RBM12: variants seen among roughly 807,000 people sequenced by gnomAD.
The protein encoded by RBM12 is RNA binding motif protein 12.
In RBM12, 24 loss-of-function variants were observed where a neutral mutation model predicts 37.2. The ratio of observed to expected loss-of-function variants is 0.65; its 90% CI spans 0.47 to 0.91. The LOEUF (loss-of-function observed/expected upper bound fraction) is 0.91. Among genes scored for constraint, RBM12 ranks in the 40% least tolerant of loss-of-function variants. RBM12 has a pLI of 0.00. For synonymous variants in RBM12, 420 were observed against 425.2 expected, an observed-to-expected ratio of 0.99 and a Z score of 0.15; for missense variants, 1,061 against 1,183.2, an observed-to-expected ratio of 0.90 and a Z score of 1.52.
chr20:35,661,089 T>C (rs1043305834), intron 1 of RBM12, among the ~76,000 whole-genome samples: 2 of 152,324 alleles, frequency 1.3e-5, no homozygotes, highest in South Asian at 4.1e-4. Context: ...TATGATTCTC[T>C]TCTATTTCAG....
At chr20:35,660,298 G>A (rs1052845660) in intron 1 of RBM12, among the ~76,000 whole-genome samples, 2 of 152,020 alleles carry the variant, frequency 1.3e-5, no homozygotes, top group Admixed American at 6.6e-5. Context: ...TGCAACCTCC[G>A]CCTCCCTGGG....
chr20:35,663,259 T>C (rs952483423), intron 1 of RBM12, among the ~76,000 whole-genome samples: 1 of 152,192 alleles, frequency 6.6e-6, no homozygotes, highest in African/African-American at 2.4e-5. Flanking sequence ...GTTCTATAAT[T>C]TAAAAAACAA....
chr20:35,653,216 C>T lies in RBM12; in HGVS notation c.2107G>A (p.Glu703Lys). The change falls in exon 3 of 3, where the codon GAA (glutamate) becomes AAA (lysine). Residue 703 changes from glutamate (E) to lysine (K), a missense_variant. Physicochemically the swap from Glu to Lys is moderately conservative, Grantham distance 56. This residue lies in a region of RBM12 where 517 missense variants were observed against 534.0 expected (regional missense o/e 0.97). Coordinates refer to ENST00000374114, the MANE Select transcript of RBM12 (RefSeq NM_006047.6). ...CCTACAGTCAGGAAGGCATGCTCTT[C>T]ACCTCCTGCACTAGGTATTCCTGCA... ...PSAGIPSAGG[E>K]EHAFLTVGSK... 1 of 1,613,528 alleles carries T rather than the reference C, an allele frequency of 6.2e-7. No individual in the cohort carries two copies. The highest frequency in any genetic ancestry group is 8.5e-7 in the Non-Finnish European group (1 of 1,179,954).
rs749842021 is a variant in RBM12 at position 35,652,952 on chromosome 20, T to C, written c.2371A>G (p.Asn791Asp). 6.6e-5 allele frequency: 106 copies of C among 1,613,728 alleles called. No homozygotes were observed. The East Asian group carries it at 2.4e-3, about 36-fold the overall frequency. ...GPSGFGGGPQ[N>D]FGNGPGSLGG... ...AAGCTACCAGGGCCATTTCCAAAAT[T>C]CTGAGGGCCCCCTCCAAATCCCGAT... Residue 791 changes from asparagine to aspartate, a missense_variant, in exon 3 of 3, where the codon AAT (asparagine) becomes GAT (aspartate). Transcript: ENST00000374114.
chr20:35,663,398 T>TA (rs981772270), intron 1 of RBM12, among the ~76,000 whole-genome samples: 1 of 152,178 alleles, frequency 6.6e-6, no homozygotes, highest in Non-Finnish European at 1.5e-5. Flanking sequence ...TTGCAAAAAT[T>TA]ACACCATTTC....
chr20:35,653,862 A>G lies in RBM12; in HGVS notation c.1461T>C (p.Ala487=). The G allele has an allele frequency of 6.2e-7, 1 of 1,614,064 alleles. No individual in the cohort carries two copies. Among genetic ancestry groups the G allele is most frequent in the South Asian group, 1.1e-5 (1 of 91,088 alleles). ...CCATGTACTGTTTATGACGACACAG[A>G]GCAGCCTTATAGTCAGCCTCATTTC... ...EFRNEADYKA[A]LCRHKQYMGN... The change falls in exon 3 of 3, where the codon GCT becomes GCC. Residue 487 remains alanine, a synonymous_variant. Transcript: ENST00000374114.
Position 35,652,622 on chromosome 20 carries a change from T to C in RBM12, c.2701A>G (p.Met901Val). Residue 901 changes from methionine (M) to valine (V), a missense_variant, in exon 3 of 3, where the codon ATG becomes GTG. By Grantham distance (21) the Met-to-Val change is conservative. This residue lies in a region of RBM12 where 517 missense variants were observed against 534.0 expected (regional missense o/e 0.97). Coordinates refer to ENST00000374114, the MANE Select transcript of RBM12 (RefSeq NM_006047.6). ...TCATCCCGAGACTCAAAGGCCACCA[T>C]GGCTTCACCTGTGGGCATACCTTTT... is the stretch of plus-strand genomic sequence containing the variant. Reference protein sequence around the residue: ...NEKGMPTGEAMVAFESRDEAT... With the variant: ...NEKGMPTGEAVVAFESRDEAT... 1.2e-6 allele frequency: 2 copies of C among 1,614,184 alleles called. No individual in the cohort carries two copies. Among genetic ancestry groups the C allele is most frequent in the Non-Finnish European group, 1.7e-6 (2 of 1,179,988 alleles).
intron 2 of RBM12, among the ~76,000 whole-genome samples, 156 bp from the exon 3 acceptor site, chr20:35,655,500 T>G (rs1051618402): frequency 6.6e-5 from 10 of 152,184 alleles, no homozygotes; most frequent in Admixed American, 1.3e-4. Context: ...AAACTGAACA[T>G]TACGTGCCAT....
At chr20:35,661,664 A>G (rs2034237427) in intron 1 of RBM12, among the ~76,000 whole-genome samples, 1 of 152,222 alleles carries the variant, frequency 6.6e-6, no homozygotes. Flanking sequence ...AAAATTTAAC[A>G]TATTATGGCA....
rs939679409 is a variant in RBM12, at chr20:35,653,033, C to G, written c.2290G>C (p.Gly764Arg). 8.1e-6 allele frequency: 13 copies of G among 1,613,730 alleles called. No individual in the cohort carries two copies. The highest frequency in any genetic ancestry group is 1.3e-5 in the African/African-American group (1 of 74,950). Reference sequence around the variant, plus strand: ...AAACCCGGAACATCCAGTCCTAGACCAGGCAAACCACTGTTTCCAACTGAA... The same window carrying G: ...AAACCCGGAACATCCAGTCCTAGACGAGGCAAACCACTGTTTCCAACTGAA... Reference protein sequence around the residue: ...MPSVGNSGLPGLGLDVPGFGG... With the variant: ...MPSVGNSGLPRLGLDVPGFGG... Residue 764 changes from glycine (G) to arginine (R), a missense_variant, in exon 3 of 3, where the codon GGT (glycine) becomes CGT (arginine). Gly to Arg is a moderately radical substitution (Grantham distance 125). Around this residue, in one of 3 missense-constraint regions of RBM12, gnomAD observed 517 missense variants for 534.0 expected, o/e 0.97. Transcript: ENST00000374114.
At chr20:35,658,140 A>G (rs1025773610) in intron 2 of RBM12, among the ~76,000 whole-genome samples, 6 of 152,206 alleles carry the variant, frequency 3.9e-5, no homozygotes, top group Non-Finnish European at 8.8e-5. Flanking sequence ...TTGACAGCTA[A>G]GTCATTTCAA....
Position 35,653,046 on chromosome 20 carries a change from G to T in RBM12, c.2277C>A (p.Asn759Lys). ...DARPGMPSVG[N>K]SGLPGLGLDV... ...CCAGTCCTAGACCAGGCAAACCACT[G>T]TTTCCAACTGAAGGCATACCAGGCC... The change falls in exon 3 of 3, where the codon AAC (asparagine) becomes AAA (lysine). Residue 759 changes from asparagine to lysine, a missense_variant. By Grantham distance (94) the Asn-to-Lys change is moderately conservative. Around this residue, in one of 3 missense-constraint regions of RBM12, gnomAD observed 517 missense variants for 534.0 expected, o/e 0.97. Transcript: ENST00000374114. The T allele has an allele frequency of 1.2e-6, 2 of 1,613,900 alleles. No individual in the cohort carries two copies. The highest frequency in any genetic ancestry group is 1.7e-6 in the Non-Finnish European group (2 of 1,180,030).
Position 35,662,695 on chromosome 20 carries a change from G to A in RBM12, c.-108+2065C>T, listed in dbSNP as rs145618595. ...AAATGGAGTAAAAACTATCAACACT[G>A]TCACTGGATTCCAGCACCTGGAACA... On this transcript the variant is annotated intron_variant, in intron 1 of 2. Transcript: ENST00000374114. Among the ~76,000 whole-genome samples the A allele has an allele frequency of 1.6e-3, 237 of 152,274 alleles. 4 individuals carry two copies. The highest frequency in any genetic ancestry group is 0.014 in the Admixed American group (212 of 15,290).
chr20:35,658,835 ACAC>A (rs1394061951), intron 2 of RBM12, 92 bp downstream of exon 2: 8 of 655,908 alleles, frequency 1.2e-5, no homozygotes, highest in African/African-American at 1.8e-5. Context: ...ACACACACAC[ACAC>A]AATATAGTTG....
chr20:35,659,148 AAAAAAAAG>A, intron 1 of RBM12, 134 bp from the exon 2 acceptor site: 1 of 455,972 alleles, frequency 2.2e-6, no homozygotes, highest in Non-Finnish European at 4.0e-6. Flanking sequence ...CAAAAAAAAA[AAAAAAAAG>A]AAAGACACCG....
Position 35,654,706 on chromosome 20 carries a change from G to C in RBM12, c.617C>G (p.Pro206Arg). ...MPSLPPMPSI[P>R]PIPVPPPVPT... Reference sequence around the variant, plus strand: ...TACTGGAGGAGGAACTGGAATTGGGGGAATGGATGGCATTGGTGGCAGAGA... The same window carrying C: ...TACTGGAGGAGGAACTGGAATTGGGCGAATGGATGGCATTGGTGGCAGAGA... The change falls in exon 3 of 3, where the codon CCC becomes CGC. Residue 206 changes from proline (P) to arginine (R), a missense_variant. Physicochemically the swap from Pro to Arg is moderately radical, Grantham distance 103. Around this residue, in one of 3 missense-constraint regions of RBM12, gnomAD observed 540 missense variants for 632.7 expected, o/e 0.85. Transcript: ENST00000374114. 6.2e-7 allele frequency: 1 copy of C among 1,613,830 alleles called. No individual in the cohort carries two copies. The highest frequency in any genetic ancestry group is 1.7e-5 in the Admixed American group (1 of 60,012).
chr20:35,660,242 G>T (rs975015683), intron 1 of RBM12, among the ~76,000 whole-genome samples: 1 of 151,336 alleles, frequency 6.6e-6, no homozygotes, highest in Admixed American at 6.6e-5. Context: ...TCGCTCTGTC[G>T]CCCAGGCTAG....
Position 35,654,165 on chromosome 20 carries a change from T to G in RBM12, c.1158A>C (p.Gly386=), listed in dbSNP as rs764037572. The change falls in exon 3 of 3, where the codon GGA becomes GGC. Residue 386 remains glycine (G), a synonymous_variant. Coordinates refer to ENST00000374114, the MANE Select transcript of RBM12 (RefSeq NM_006047.6). ...TATTTTGCTTAAAAGTGATATGGCC[T>G]CCAGCAGCTACCCACTGTCTTTCTG... ...PATERQWVAA[G]GHITFKQNMG... 1 of 1,614,222 alleles carries G rather than the reference T, an allele frequency of 6.2e-7. No homozygotes were observed. The highest frequency in any genetic ancestry group is 1.1e-5 in the South Asian group (1 of 91,082).
chr20:35,658,712 A>C (rs1412196501), intron 2 of RBM12, among the ~76,000 whole-genome samples: 2 of 152,042 alleles, frequency 1.3e-5, no homozygotes, highest in Non-Finnish European at 2.9e-5. Context: ...GTGAGCCGAG[A>C]TGGCACCACT....
Sources: allele counts gnomAD v4.1 joint callset (sites outside exome capture counted in the v4.1 genomes callset), GRCh38; gene constraint gnomAD v4.1.1; regional missense constraint gnomAD v4.1.1; transcripts MANE v1.5; gene names NCBI Gene and HGNC (gene_info 2026-07-23, HGNC 2026-07-21).